The following ANAPC16 variants were observed in gnomAD, a reference collection of about 807,000 sequenced individuals.
The protein encoded by ANAPC16 is anaphase-promoting complex subunit 16.
A neutral mutation model predicts 13.1 loss-of-function variants in ANAPC16; 6 were observed. That is an observed-to-expected ratio of 0.46 (90% CI 0.25 to 0.90). ANAPC16 has a LOEUF of 0.90. Ranked by LOEUF, ANAPC16 falls within the 40% of genes least tolerant of loss-of-function variation. The pLI is 0.18. For synonymous variants in ANAPC16, 55 were observed against 51.3 expected, an observed-to-expected ratio of 1.07 and a Z score of -0.31; for missense variants, 113 against 131.1, an observed-to-expected ratio of 0.86 and a Z score of 0.67.
intron 2 of ANAPC16, 76 bp from the exon 3 acceptor site, chr10:72,230,290 A>G (rs886386156): frequency 1.8e-6 from 2 of 1,126,738 alleles, no homozygotes; most frequent in Non-Finnish European, 2.7e-6. Context: ...GGAAAAGAAT[A>G]GACAAGTTTA....
intron 1 of ANAPC16, among the ~76,000 whole-genome samples, chr10:72,219,540 C>T (rs957480235): frequency 1.3e-5 from 2 of 151,802 alleles, no homozygotes; most frequent in African/African-American, 2.4e-5. Context: ...ATTGGAGACC[C>T]GCCTGAGCAA....
At chr10:72,221,547 CTTT>C (rs910872494) in intron 1 of ANAPC16, among the ~76,000 whole-genome samples, 7 of 91,334 alleles carry the variant, frequency 7.7e-5, no homozygotes, top group African/African-American at 3.4e-4. Context: ...TTTTTCTTTT[CTTT>C]TTTTTTTTTT....
intron 3 of ANAPC16, among the ~76,000 whole-genome samples, chr10:72,231,230 C>CT (rs1860290854): frequency 1.3e-5 from 2 of 152,024 alleles, no homozygotes; most frequent in Non-Finnish European, 2.9e-5. Context: ...AGGATGAGTA[C>CT]TTTTTTTAGG....
At chr10:72,229,286 A>G (rs182208333) in intron 2 of ANAPC16, among the ~76,000 whole-genome samples, 246 of 123,508 alleles carry the variant, frequency 2.0e-3, no homozygotes, top group African/African-American at 7.6e-3. Flanking sequence ...CCTCTTGGTT[A>G]TATATTCAAG....
intron 2 of ANAPC16, among the ~76,000 whole-genome samples, chr10:72,229,320 TTG>T (rs1860224940): frequency 7.1e-6 from 1 of 140,686 alleles, no homozygotes; most frequent in African/African-American, 3.2e-5. Flanking sequence ...GTATCTATAG[TTG>T]TTTTTTTTTT....
In ANAPC16 at chr10:72,230,595, A is replaced by G. The variant is rs544855884; in HGVS notation, c.217+155A>G. The stretch of plus-strand genomic sequence containing the variant: ...GTCTTAATCTAGTCATAATGTCCAC[A>G]TTGAGGCTTAAGGTTGGGGCCGAGT... On this transcript the variant is annotated intron_variant, in intron 3 of 3. Coordinates refer to ENST00000299381, the MANE Select transcript of ANAPC16 (RefSeq NM_173473.4). 1.2e-3 allele frequency among the ~76,000 whole-genome samples: 183 copies of G among 152,298 alleles called. 1 individual carries two copies. The highest frequency in any genetic ancestry group is 3.9e-3 in the African/African-American group (161 of 41,568).
intron 2 of ANAPC16, among the ~76,000 whole-genome samples, chr10:72,225,976 G>A (rs1211952888): frequency 6.6e-6 from 1 of 150,720 alleles, no homozygotes; most frequent in South Asian, 2.1e-4. Flanking sequence ...TAGTATTTTA[G>A]TGCTTAATTA....
chr10:72,230,110 G>A (rs866911515), intron 2 of ANAPC16, among the ~76,000 whole-genome samples: 2 of 152,038 alleles, frequency 1.3e-5, no homozygotes, highest in South Asian at 2.1e-4. Flanking sequence ...GACATCAGAC[G>A]GAGGTTTCTT....
Position 72,233,003 on chromosome 10 carries a change from C to G in ANAPC16, c.220C>G (p.Gln74Glu). Residue 74 changes from glutamine (Q) to glutamate (E), a missense_variant and splice_region_variant, in exon 4 of 4, where the codon CAG becomes GAG. Transcript: ENST00000299381. ...ASTLKQVKHD[Q>E]QVARMEKLAG... ...ATTCTTTCCTTGACTCCTTACAGAT[C>G]AGCAAGTTGCTCGGATGGAAAAACT... 1.2e-6 allele frequency: 2 copies of G among 1,613,818 alleles called. No homozygotes were observed. The highest frequency in any genetic ancestry group is 1.7e-6 in the Non-Finnish European group (2 of 1,179,744).
intron 1 of ANAPC16, among the ~76,000 whole-genome samples, chr10:72,222,074 G>T (rs968896608): frequency 6.6e-6 from 1 of 151,238 alleles, no homozygotes; most frequent in Non-Finnish European, 1.5e-5. Flanking sequence ...AGGGCTGAGC[G>T]CAGTGAGACT....
chr10:72,232,468 C>T (rs1413701676), intron 3 of ANAPC16, among the ~76,000 whole-genome samples: 1 of 150,766 alleles, frequency 6.6e-6, no homozygotes, highest in African/African-American at 2.4e-5. Flanking sequence ...CACTTGAACC[C>T]ACGAGGCAGA....
intron 1 of ANAPC16, among the ~76,000 whole-genome samples, chr10:72,221,666 CTCCTGCCTCAG>C (rs1224950067): frequency 6.9e-6 from 1 of 145,582 alleles, no homozygotes; most frequent in Non-Finnish European, 1.5e-5. Flanking sequence ...TCAAGTGATT[CTCCTGCCTCAG>C]TCTCCTGAGT....
At chr10:72,223,788 T>G (rs1860028392) in intron 1 of ANAPC16, 100 bp from the exon 2 acceptor site, 1 of 967,068 alleles carries the variant, frequency 1.0e-6, no homozygotes, top group Non-Finnish European at 1.5e-6. Context: ...GGGAGCTAAC[T>G]CTTTACAAAA....
At chr10:72,230,486 TA>T in intron 3 of ANAPC16, 46 bp downstream of exon 3, 1 of 1,543,578 alleles carries the variant, frequency 6.5e-7, no homozygotes, top group Non-Finnish European at 8.9e-7. Context: ...ATAAATTTGC[TA>T]GGGGGTGGAT....
chr10:72,217,807 C>A (rs77301718), intron 1 of ANAPC16, among the ~76,000 whole-genome samples: 8,383 of 152,008 alleles, frequency 0.055, 788 homozygotes, highest in African/African-American at 0.19. Flanking sequence ...TATCCTTAAT[C>A]CAGAAATCCA....
At position 72,234,915 on chromosome 10, in the gene ANAPC16, CTGAGG is replaced by C. The variant is rs1178865737; in HGVS notation, c.*1804_*1808del. 6.6e-6 allele frequency: 1 copy of C among 152,216 alleles called. No homozygotes were observed. The highest frequency in any genetic ancestry group is 1.5e-5 in the Non-Finnish European group (1 of 68,066). The allele number at this position is 152,216 out of a possible 1,614,324, so 9.4% of individuals were successfully genotyped here. On this transcript the variant is annotated 3_prime_UTR_variant, in exon 4 of 4. Transcript: ENST00000299381. ...CCTTTAATCCCAGCACCTGGGGAGG[CTGAGG>C]TGAGTGGATCACTAGAGGTCAGGAG...
At chr10:72,228,916 C>G (rs1860207611) in intron 2 of ANAPC16, among the ~76,000 whole-genome samples, 1 of 152,204 alleles carries the variant, frequency 6.6e-6, no homozygotes, top group Non-Finnish European at 1.5e-5. Context: ...GTGGCACTTT[C>G]AGGAGCTTCC....
chr10:72,228,670 C>T (rs989898656), intron 2 of ANAPC16, among the ~76,000 whole-genome samples: 1 of 152,120 alleles, frequency 6.6e-6, no homozygotes, highest in African/African-American at 2.4e-5. Context: ...GTACTGATAC[C>T]ACATCTAATA....
At chr10:72,222,614 T>C (rs1017367408) in intron 1 of ANAPC16, among the ~76,000 whole-genome samples, 1 of 151,422 alleles carries the variant, frequency 6.6e-6, no homozygotes, top group African/African-American at 2.4e-5. Context: ...CCGTGCCTAC[T>C]AAAAATACAA....
Sources: gnomAD v4.1 joint callset for allele counts (sites outside exome capture counted in the v4.1 genomes callset) on GRCh38, gnomAD v4.1.1 for gene constraint, MANE v1.5 for transcripts, NCBI Gene and HGNC (gene_info 2026-07-23, HGNC 2026-07-21) for gene names.